GALNT17: variants seen among roughly 807,000 people sequenced by gnomAD.
GALNT17 encodes polypeptide N-acetylgalactosaminyltransferase 17.
A neutral mutation model predicts 63.7 loss-of-function variants in GALNT17; 29 were observed. That is an observed-to-expected ratio of 0.46 (90% CI 0.34 to 0.62). The LOEUF (loss-of-function observed/expected upper bound fraction) is 0.62. Among genes scored for constraint, GALNT17 ranks in the 20% least tolerant of loss-of-function variants. The pLI is 0.01. For missense variants in GALNT17, 603 were observed against 799.6 expected (o/e 0.75, Z 2.97); for synonymous variants, 305 against 318.3 (o/e 0.96, Z 0.45).
intron 9 of GALNT17, among the ~76,000 whole-genome samples, chr7:71,693,688 A>C (rs939468712): frequency 1.3e-5 from 2 of 151,934 alleles, no homozygotes; most frequent in African/African-American, 4.8e-5. Flanking sequence ...GGGATCAGGA[A>C]AAATATTAAA....
At chr7:71,189,039 A>G (rs541758822) in intron 1 of GALNT17, among the ~76,000 whole-genome samples, 186 of 152,306 alleles carry the variant, frequency 1.2e-3, no homozygotes, top group South Asian at 4.1e-3. Flanking sequence ...GTTGCTTTTT[A>G]TGGTTAGGCT....
chr7:71,198,184 C>T (rs953239207), intron 1 of GALNT17, among the ~76,000 whole-genome samples: 13 of 132,600 alleles, frequency 9.8e-5, no homozygotes, highest in Admixed American at 6.9e-4. Context: ...GGTGACCGAG[C>T]GAGACTCTGT....
In GALNT17 at chr7:71,199,743, A is replaced by T. The variant is rs535240954; in HGVS notation, c.238+66703A>T. On this transcript the variant is annotated intron_variant, in intron 1 of 10. Transcript: ENST00000333538. The stretch of plus-strand genomic sequence containing the variant: ...TGTCCACCCACCCACCCATGCACTT[A>T]TCCATTAGCTCACTCCATCCATCCA... Among the ~76,000 whole-genome samples, 7 of 148,452 alleles carry T rather than the reference A, an allele frequency of 4.7e-5. No homozygotes were observed. In the East Asian group the frequency reaches 1.4e-3, roughly 30 times the overall value.
At chr7:71,569,570 G>A (rs959950723) in intron 5 of GALNT17, among the ~76,000 whole-genome samples, 1 of 152,114 alleles carries the variant, frequency 6.6e-6, no homozygotes, top group Admixed American at 6.5e-5. Context: ...TGTTAGCTCG[G>A]CCAGAAGATG....
intron 6 of GALNT17, among the ~76,000 whole-genome samples, chr7:71,575,639 C>T (rs553803594): frequency 1.3e-5 from 2 of 152,190 alleles, no homozygotes; most frequent in Non-Finnish European, 2.9e-5. Context: ...CCGCCCGCCT[C>T]GGCCTCCCAA....
At chr7:71,597,282 A>C (rs142189721) in intron 6 of GALNT17, among the ~76,000 whole-genome samples, 2 of 151,904 alleles carry the variant, frequency 1.3e-5, no homozygotes, top group African/African-American at 4.8e-5. Context: ...CTTGTGATCC[A>C]CCTGCCTCAG....
intron 1 of GALNT17, chr7:71,284,070 C>T (rs1053795732): frequency 6.6e-6 from 1 of 152,146 alleles, no homozygotes; most frequent in Non-Finnish European, 1.5e-5. Flanking sequence ...GGCTCTGGTT[C>T]TTTTCGGTGC....
intron 3 of GALNT17, among the ~76,000 whole-genome samples, chr7:71,390,696 C>T (rs1266783018): frequency 6.6e-6 from 1 of 152,170 alleles, no homozygotes; most frequent in Non-Finnish European, 1.5e-5. Flanking sequence ...CCAGAAATCT[C>T]TTCTCTCGAA....
intron 2 of GALNT17, among the ~76,000 whole-genome samples, chr7:71,378,124 G>T (rs1286888901): frequency 1.3e-5 from 2 of 152,176 alleles, no homozygotes; most frequent in African/African-American, 4.8e-5. Context: ...TAATAGGCAG[G>T]ACACACTTGG....
At chr7:71,553,228 G>A (rs1477245826) in intron 5 of GALNT17, among the ~76,000 whole-genome samples, 1 of 152,048 alleles carries the variant, frequency 6.6e-6, no homozygotes, top group Non-Finnish European at 1.5e-5. Flanking sequence ...TTTGGGGGCT[G>A]AGGTGGGAGG....
At chr7:71,265,272 G>A (rs557331233) in intron 1 of GALNT17, among the ~76,000 whole-genome samples, 5 of 150,082 alleles carry the variant, frequency 3.3e-5, no homozygotes, top group Non-Finnish European at 5.9e-5. Context: ...GATTATAGGC[G>A]CATGCCACCA....
At chr7:71,664,875 A>G (rs555533676) in intron 6 of GALNT17, among the ~76,000 whole-genome samples, 6 of 152,288 alleles carry the variant, frequency 3.9e-5, no homozygotes, top group Admixed American at 1.3e-4. Context: ...TGTTGTTTCT[A>G]TAAGAATTCT....
At chr7:71,331,556 T>TA (rs749421531) in intron 1 of GALNT17, among the ~76,000 whole-genome samples, 3 of 152,034 alleles carry the variant, frequency 2.0e-5, no homozygotes, top group Non-Finnish European at 4.4e-5. Flanking sequence ...AAAATTGTTT[T>TA]AAAAAATTAG....
intron 1 of GALNT17, among the ~76,000 whole-genome samples, chr7:71,152,136 A>T (rs564743978): frequency 1.3e-5 from 2 of 152,262 alleles, no homozygotes; most frequent in Non-Finnish European, 2.9e-5. Context: ...CTGCAATTGA[A>T]CTGATTCCAG....
At chr7:71,324,781 A>G (rs967161047) in intron 1 of GALNT17, among the ~76,000 whole-genome samples, 6 of 152,278 alleles carry the variant, frequency 3.9e-5, no homozygotes, top group African/African-American at 1.4e-4. Flanking sequence ...ACACATACGC[A>G]TGTGAATTTA....
At position 71,267,202 on chromosome 7, in the gene GALNT17, C is replaced by T. The variant is rs910038784; in HGVS notation, c.239-68348C>T. The stretch of plus-strand genomic sequence containing the variant: ...ATGCAAGGTGCCTGTCCAAGCCAGG[C>T]TCTGGTTCTGTCGAGCTCCCCATTG... On this transcript the variant is annotated intron_variant, in intron 1 of 10. Transcript: ENST00000333538. 2.6e-5 allele frequency among the ~76,000 whole-genome samples: 4 copies of T among 152,228 alleles called. No individual in the cohort carries two copies. In the East Asian group the frequency reaches 7.7e-4, roughly 29 times the overall value.
At chr7:71,195,694 C>T (rs534714447) in intron 1 of GALNT17, among the ~76,000 whole-genome samples, 20 of 151,746 alleles carry the variant, frequency 1.3e-4, no homozygotes, top group Admixed American at 1.1e-3. Context: ...ACTACAGGCA[C>T]ATGCCACCAT....
chr7:71,302,978 C>T (rs1346537732), intron 1 of GALNT17, among the ~76,000 whole-genome samples: 1 of 152,074 alleles, frequency 6.6e-6, no homozygotes, highest in Admixed American at 6.5e-5. Context: ...AATTCTCCTG[C>T]CTCAGCCTCC....
chr7:71,678,853 G>C (rs1055255705), intron 9 of GALNT17, among the ~76,000 whole-genome samples: 22 of 150,044 alleles, frequency 1.5e-4, no homozygotes, highest in African/African-American at 5.4e-4. Flanking sequence ...AGCTACTGGA[G>C]AGGCTGAGGC....
Sources: gnomAD v4.1 joint callset for allele counts (sites outside exome capture counted in the v4.1 genomes callset) on GRCh38, gnomAD v4.1.1 for gene constraint, MANE v1.5 for transcripts, NCBI Gene and HGNC (gene_info 2026-07-23, HGNC 2026-07-21) for gene names.